Variants in NECAP2 observed in about 807,000 individuals in gnomAD.
NECAP2 encodes adaptin ear-binding coat-associated protein 2.
In NECAP2, 38 loss-of-function variants were observed where a neutral mutation model predicts 37.8. The ratio of observed to expected loss-of-function variants is 1.01; its 90% CI spans 0.78 to 1.32. The LOEUF (loss-of-function observed/expected upper bound fraction) is 1.32, where lower values mean the gene tolerates loss of function less well. NECAP2 is among the 40% of genes most tolerant of loss of function. The pLI is 0.00. For synonymous variants in NECAP2, 121 were observed against 127.7 expected (o/e 0.95, Z 0.35); for missense variants, 316 against 334.5 (o/e 0.94, Z 0.43).
At position 16,443,737 on chromosome 1, in the gene NECAP2, C is replaced by T. The variant is rs1308519235; in HGVS notation, c.193+5C>T. ...AGCTGGAGGACAGGACGTCAGGTAA[C>T]CGGAAGGGAGGCTGCATCAAGCTGA... On this transcript the variant is annotated splice_donor_5th_base_variant and intron_variant, in intron 2 of 7. Coordinates refer to ENST00000337132, the MANE Select transcript of NECAP2 (RefSeq NM_018090.5). 6.2e-7 allele frequency: 1 copy of T among 1,608,750 alleles called. No homozygotes were observed. The highest frequency in any genetic ancestry group is 1.7e-5 in the Admixed American group (1 of 59,642).
chr1:16,443,651 G>T lies in NECAP2; in HGVS notation c.112G>T (p.Asp38Tyr). 1.9e-6 allele frequency: 3 copies of T among 1,611,168 alleles called. No homozygotes were observed. Among genetic ancestry groups the T allele is most frequent in the Non-Finnish European group, 2.5e-6 (3 of 1,179,488 alleles). Residue 38 changes from aspartate (D) to tyrosine (Y), a missense_variant, in exon 2 of 8, where the codon GAC becomes TAC. By Grantham distance (160) the Asp-to-Tyr change is radical. Around this residue, in one of 3 missense-constraint regions of NECAP2, gnomAD observed 81 missense variants for 124.2 expected, o/e 0.65. Coordinates refer to ENST00000337132, the MANE Select transcript of NECAP2 (RefSeq NM_018090.5). ...CCTTAGGGCTGCGGAGTGGCAGCTG[G>T]ACCAGCCATCATGGAGTGGCCGGCT... is the stretch of plus-strand genomic sequence containing the variant. ...RGYRAAEWQLDQPSWSGRLRI... is the reference protein window; with the variant it reads ...RGYRAAEWQLYQPSWSGRLRI...
intron 1 of NECAP2, among the ~76,000 whole-genome samples, chr1:16,441,823 T>C (rs1247031330): frequency 2.0e-5 from 3 of 152,170 alleles, no homozygotes; most frequent in African/African-American, 7.2e-5. Flanking sequence ...GATCTTATGG[T>C]GAAAAGATGC....
chr1:16,455,451 A>G (rs2086903176), intron 6 of NECAP2: 1 of 221,062 alleles, frequency 4.5e-6, no homozygotes, highest in African/African-American at 2.2e-5. Flanking sequence ...TCAAGAAGCT[A>G]AGACGGGTTA....
chr1:16,457,613 C>T (rs532440458), intron 7 of NECAP2, among the ~76,000 whole-genome samples: 34 of 151,908 alleles, frequency 2.2e-4, no homozygotes, highest in African/African-American at 8.0e-4. Context: ...ATTTTTGCAT[C>T]GCTCTAGTAT....
Position 16,455,813 on chromosome 1 carries a change from A to T in NECAP2, c.668-5A>T, listed in dbSNP as rs1225021719. Reference sequence around the variant, plus strand: ...CCTACGGGTCGGACTCGGGAACATCAATAGGAGGTGCTCCTGTACCCTGGC... The same window carrying T: ...CCTACGGGTCGGACTCGGGAACATCTATAGGAGGTGCTCCTGTACCCTGGC... On this transcript the variant is annotated splice_polypyrimidine_tract_variant and splice_region_variant and intron_variant, in intron 6 of 7. Coordinates refer to ENST00000337132, the MANE Select transcript of NECAP2 (RefSeq NM_018090.5). 6.2e-7 allele frequency: 1 copy of T among 1,612,846 alleles called. No homozygotes were observed. Among genetic ancestry groups the T allele is most frequent in the African/African-American group, 1.3e-5 (1 of 74,864 alleles).
intron 2 of NECAP2, among the ~76,000 whole-genome samples, chr1:16,445,537 C>G (rs201132270): frequency 6.6e-6 from 1 of 152,198 alleles, no homozygotes; most frequent in East Asian, 1.9e-4. Context: ...GGTTGGAACA[C>G]AAGGCAGATA....
At chr1:16,453,204 G>T (rs1244459074) in intron 6 of NECAP2, among the ~76,000 whole-genome samples, 2 of 151,808 alleles carry the variant, frequency 1.3e-5, no homozygotes, top group African/African-American at 2.4e-5. Context: ...CTGCCTCCTG[G>T]GTTCAAGTGA....
intron 5 of NECAP2, chr1:16,451,113 A>G (rs1201915938): frequency 6.6e-6 from 1 of 152,188 alleles, no homozygotes; most frequent in African/African-American, 2.4e-5. Context: ...GTTTGTTCTT[A>G]ACTTTCATGA....
At chr1:16,447,750 T>C in intron 2 of NECAP2, 120 bp from the exon 3 acceptor site, 1 of 746,714 alleles carries the variant, frequency 1.3e-6, no homozygotes. Context: ...ACAGTAAGGT[T>C]TGCCGATCTG....
chr1:16,456,397 C>T (rs548125952), intron 7 of NECAP2, among the ~76,000 whole-genome samples: 141 of 152,292 alleles, frequency 9.3e-4, no homozygotes, highest in Middle Eastern at 3.4e-3. Flanking sequence ...CACGTCTTTC[C>T]GTGGAGGTTT....
At chr1:16,455,099 T>C (rs2086897925) in intron 6 of NECAP2, among the ~76,000 whole-genome samples, 1 of 152,262 alleles carries the variant, frequency 6.6e-6, no homozygotes. Flanking sequence ...GCCCTAGTTT[T>C]ATCTGTTCTC....
intron 7 of NECAP2, among the ~76,000 whole-genome samples, chr1:16,456,864 C>T (rs1168834427): frequency 6.6e-6 from 1 of 152,002 alleles, no homozygotes; most frequent in Non-Finnish European, 1.5e-5. Flanking sequence ...ACCATGCCAG[C>T]TATTTTTTGT....
intron 6 of NECAP2, 31 bp downstream of exon 6, chr1:16,452,046 G>A (rs770927256): frequency 2.6e-6 from 4 of 1,524,328 alleles, no homozygotes; most frequent in African/African-American, 1.4e-5. Flanking sequence ...TGCTGCATCA[G>A]TACCTGCCGG....
intron 7 of NECAP2, 69 bp downstream of exon 7, chr1:16,455,962 CACA>C: frequency 2.7e-6 from 3 of 1,094,114 alleles, no homozygotes; most frequent in Non-Finnish European, 4.2e-6. Flanking sequence ...GGTATTGTTC[CACA>C]TGCCTGCCTT....
chr1:16,450,821 G>A (rs953096466), intron 5 of NECAP2: 11 of 152,128 alleles, frequency 7.2e-5, no homozygotes, highest in African/African-American at 2.7e-4. Flanking sequence ...GTGGTCCATG[G>A]CTGTAATCCC....
Position 16,445,684 on chromosome 1 carries a change from G to T in NECAP2, c.193+1952G>T, listed in dbSNP as rs575155097. Among the ~76,000 whole-genome samples, 473 of 152,206 alleles carry T rather than the reference G, an allele frequency of 3.1e-3. 4 individuals carry two copies. Among genetic ancestry groups the T allele is most frequent in the Non-Finnish European group, 4.5e-3 (306 of 67,998 alleles). On this transcript the variant is annotated intron_variant, in intron 2 of 7. Coordinates refer to ENST00000337132, the MANE Select transcript of NECAP2 (RefSeq NM_018090.5). ...TTTAGGAGGCCAAGACAGGTGGATCGCTTGAGCCCAGGAATTCCAGAGCAG... is the reference window on the plus strand; with the variant it reads ...TTTAGGAGGCCAAGACAGGTGGATCTCTTGAGCCCAGGAATTCCAGAGCAG...
chr1:16,449,201 A>G lies in NECAP2; in HGVS notation c.489A>G (p.Ala163=), dbSNP rs942687162. 6.2e-7 allele frequency: 1 copy of G among 1,604,986 alleles called. No homozygotes were observed. Among genetic ancestry groups the G allele is most frequent in the African/African-American group, 1.3e-5 (1 of 74,922 alleles). Reference sequence around the variant, plus strand: ...GCCAGACCATCAAGCTCAACATCGCAGTGAGTTCTACCCTTGCTTGGCTGT... The same window carrying G: ...GCCAGACCATCAAGCTCAACATCGCGGTGAGTTCTACCCTTGCTTGGCTGT... ...KEGQTIKLNI[A]NMKKKEGAAG... The change falls in exon 5 of 8, where the codon GCA becomes GCG. Residue 163 remains alanine (A), a splice_region_variant and synonymous_variant. Coordinates refer to ENST00000337132, the MANE Select transcript of NECAP2 (RefSeq NM_018090.5).
chr1:16,456,389 C>T (rs1283971690), intron 7 of NECAP2, among the ~76,000 whole-genome samples: 1 of 152,170 alleles, frequency 6.6e-6, no homozygotes, highest in African/African-American at 2.4e-5. Context: ...GGGTGGCACA[C>T]GTCTTTCCGT....
At chr1:16,450,264 T>C (rs1433248569) in intron 5 of NECAP2, 2 of 370,634 alleles carry the variant, frequency 5.4e-6, no homozygotes, top group Non-Finnish European at 1.0e-5. Flanking sequence ...TTTTGTTTTG[T>C]TTTGTTTTTT....
Sources: allele counts gnomAD v4.1 joint callset (sites outside exome capture counted in the v4.1 genomes callset), GRCh38; gene constraint gnomAD v4.1.1; regional missense constraint gnomAD v4.1.1; transcripts MANE v1.5; gene names NCBI Gene and HGNC (gene_info 2026-07-23, HGNC 2026-07-21).